Variants in NCAM1 observed in about 807,000 individuals in gnomAD.
NCAM1 encodes the protein antigen recognized by monoclonal antibody 5.1H11.
In NCAM1, 14 loss-of-function variants were observed where a neutral mutation model predicts 109.8. That is an observed-to-expected ratio of 0.13 (90% CI 0.08 to 0.20). NCAM1 has a LOEUF of 0.20. Ranked by LOEUF, NCAM1 falls within the 10% of genes least tolerant of loss-of-function variation. The pLI is 1.00. For missense variants in NCAM1, 774 were observed against 1,109.9 expected, an observed-to-expected ratio of 0.70 and a Z score of 4.30; for synonymous variants, 418 against 442.9, an observed-to-expected ratio of 0.94 and a Z score of 0.70.
Position 113,204,480 on chromosome 11 carries a change from G to A in NCAM1, c.322G>A (p.Ala108Thr), listed in dbSNP as rs188950571. The A allele has an allele frequency of 1.2e-6, 2 of 1,613,922 alleles. No individual in the cohort carries two copies. Among genetic ancestry groups the A allele is most frequent in the Admixed American group, 1.7e-5 (1 of 60,024 alleles). The change falls in exon 3 of 20, where the codon GCC becomes ACC. Residue 108 changes from alanine to threonine, a missense_variant. Physicochemically the swap from Ala to Thr is moderately conservative, Grantham distance 58. Coordinates refer to ENST00000316851, the MANE Select transcript of NCAM1 (RefSeq NM_181351.5). ...VTGEDGSESE[A>T]TVNVKIFQKL... ...AGGCGAGGATGGCAGTGAGTCAGAG[G>A]CCACCGTCAACGTGAAGATCTTTCG... is the stretch of plus-strand genomic sequence containing the variant.
chr11:113,195,696 C>T (rs143068832), intron 1 of NCAM1, among the ~76,000 whole-genome samples: 8,774 of 151,530 alleles, frequency 0.058, 310 homozygotes, highest in Middle Eastern at 0.11. Flanking sequence ...TTAGTAGAGA[C>T]GGGGTTTCAC....
chr11:112,979,757 A>T (rs1565361512), intron 1 of NCAM1, among the ~76,000 whole-genome samples: 1 of 151,852 alleles, frequency 6.6e-6, no homozygotes, highest in Non-Finnish European at 1.5e-5. Context: ...CTCAGTCTAA[A>T]ACAATGGGCT....
chr11:113,085,594 C>G (rs1565427142), intron 1 of NCAM1, among the ~76,000 whole-genome samples: 1 of 152,294 alleles, frequency 6.6e-6, no homozygotes, highest in South Asian at 2.1e-4. Flanking sequence ...AAATCTCTTC[C>G]CTTCACCAGG....
intron 14 of NCAM1, chr11:113,235,379 A>G (rs1945135132): frequency 2.9e-6 from 3 of 1,036,176 alleles, no homozygotes; most frequent in Admixed American, 1.7e-5. Context: ...GGTTGGGGAC[A>G]CTGTCCTAGT....
chr11:113,201,952 C>G (rs893034151), intron 1 of NCAM1, among the ~76,000 whole-genome samples: 2 of 152,230 alleles, frequency 1.3e-5, no homozygotes, highest in African/African-American at 2.4e-5. Flanking sequence ...GCACTTGACA[C>G]AGCTGTGGAG....
At chr11:113,148,476 G>A (rs1942103119) in intron 1 of NCAM1, among the ~76,000 whole-genome samples, 1 of 148,404 alleles carries the variant, frequency 6.7e-6, no homozygotes, top group Admixed American at 6.8e-5. Context: ...GGGTCTGATT[G>A]TAAATTAGTA....
chr11:113,191,140 T>C (rs975024681), intron 1 of NCAM1, among the ~76,000 whole-genome samples: 3 of 152,162 alleles, frequency 2.0e-5, no homozygotes, highest in Non-Finnish European at 4.4e-5. Context: ...CCCATCCCTG[T>C]TGGCATCCAC....
intron 8 of NCAM1, among the ~76,000 whole-genome samples, chr11:113,218,772 G>A (rs559762062): frequency 1.2e-4 from 19 of 152,314 alleles, no homozygotes; most frequent in Non-Finnish European, 2.4e-4. Flanking sequence ...CATTAAGGTA[G>A]ATCAGCTGTC....
At chr11:113,145,662 A>G (rs578027492) in intron 1 of NCAM1, among the ~76,000 whole-genome samples, 1 of 152,244 alleles carries the variant, frequency 6.6e-6, no homozygotes, top group South Asian at 2.1e-4. Flanking sequence ...TTCCAAGTCC[A>G]TGTAAAGAAG....
At chr11:113,027,791 G>T (rs1309210051) in intron 1 of NCAM1, among the ~76,000 whole-genome samples, 1 of 152,126 alleles carries the variant, frequency 6.6e-6, no homozygotes, top group Non-Finnish European at 1.5e-5. Context: ...TCTTTAATAA[G>T]ATTTTATTTC....
At chr11:113,206,304 G>T in intron 5 of NCAM1, 124 bp downstream of exon 5, 2 of 990,750 alleles carry the variant, frequency 2.0e-6, no homozygotes, top group Non-Finnish European at 1.4e-6. Context: ...ATCCGTCTGA[G>T]CTAAATCCCC....
At chr11:113,004,491 CA>C (rs56943909) in intron 1 of NCAM1, among the ~76,000 whole-genome samples, 3 of 149,344 alleles carry the variant, frequency 2.0e-5, no homozygotes, top group Non-Finnish European at 1.5e-5. Context: ...GATTTCATCT[CA>C]AAAAAAAAAT....
chr11:113,086,995 A>G (rs1456412778), intron 1 of NCAM1, among the ~76,000 whole-genome samples: 1 of 152,232 alleles, frequency 6.6e-6, no homozygotes, highest in Non-Finnish European at 1.5e-5. Flanking sequence ...GTAAATAATT[A>G]AAACATGGCA....
chr11:113,271,836 C>T lies in NCAM1; in HGVS notation c.2416C>T (p.His806Tyr). ...ERTPNHDGGK[H>Y]TEPNETTPLT... ...GACCCCAAACCATGATGGAGGGAAA[C>T]ACACAGAGCCCAACGAGACCACGCC... The change falls in exon 19 of 20, where the codon CAC (histidine) becomes TAC (tyrosine). Residue 806 changes from histidine (H) to tyrosine (Y), a missense_variant. Physicochemically the swap from His to Tyr is moderately conservative, Grantham distance 83. Around this residue, in one of 4 missense-constraint regions of NCAM1, gnomAD observed 122 missense variants for 129.7 expected, o/e 0.94. Transcript: ENST00000316851. 6.4e-7 allele frequency: 1 copy of T among 1,573,334 alleles called. No individual in the cohort carries two copies. The highest frequency in any genetic ancestry group is 1.2e-5 in the South Asian group (1 of 85,090).
At chr11:113,209,342 G>C (rs192120084) in intron 7 of NCAM1, among the ~76,000 whole-genome samples, 114 of 152,296 alleles carry the variant, frequency 7.5e-4, no homozygotes, top group Middle Eastern at 3.4e-3. Flanking sequence ...TTAGAAACAG[G>C]CTATCAGTTA....
In NCAM1 at chr11:113,270,351, CG is replaced by C; in HGVS notation, c.2299del (p.Ala767ProfsTer49). On this transcript the variant is annotated frameshift_variant, in exon 18 of 20. Coordinates refer to ENST00000316851, the MANE Select transcript of NCAM1 (RefSeq NM_181351.5). LOFTEE classifies it high-confidence loss of function. ...TCAACCTGTGTGGAAAAGCCGGGCC[CG>C]GGGCCAAGGGCAAGGACATGGAGGA... ...AVNLCGKAGP[G>X]AKGKDMEEGK... 6.2e-7 allele frequency: 1 copy of C among 1,613,966 alleles called. No individual in the cohort carries two copies. The highest frequency in any genetic ancestry group is 8.5e-7 in the Non-Finnish European group (1 of 1,179,890).
At chr11:112,989,905 A>G (rs922857488) in intron 1 of NCAM1, among the ~76,000 whole-genome samples, 5 of 152,226 alleles carry the variant, frequency 3.3e-5, no homozygotes, top group Admixed American at 3.3e-4. Context: ...TTTATCTTCA[A>G]TGTAACCCTT....
chr11:113,243,705 G>A (rs1945413858), intron 14 of NCAM1: 2 of 397,996 alleles, frequency 5.0e-6, no homozygotes, highest in African/African-American at 2.0e-5. Context: ...AAGCTGTGTG[G>A]GAGTTTTAGA....
chr11:113,037,595 A>G (rs1555079383), intron 1 of NCAM1, among the ~76,000 whole-genome samples: 1 of 152,136 alleles, frequency 6.6e-6, no homozygotes, highest in African/African-American at 2.4e-5. Context: ...GCTGGTTTGG[A>G]TTGAATTGTT....
Sources: gnomAD v4.1 joint callset for allele counts (sites outside exome capture counted in the v4.1 genomes callset) on GRCh38, gnomAD v4.1.1 for gene constraint, gnomAD v4.1.1 regional missense constraint, MANE v1.5 for transcripts, NCBI Gene and HGNC (gene_info 2026-07-23, HGNC 2026-07-21) for gene names.